The following LRRTM4 variants were observed in gnomAD, a reference collection of about 807,000 sequenced individuals.
The protein encoded by LRRTM4 is leucine rich repeat transmembrane neuronal 4.
Under a neutral mutation model 47.6 loss-of-function variants are expected in LRRTM4, and 25 were observed. The ratio of observed to expected loss-of-function variants is 0.53; its 90% confidence interval spans 0.38 to 0.73. The LOEUF is 0.73. Among genes scored for constraint, LRRTM4 ranks in the 30% least tolerant of loss-of-function variants. LRRTM4 has a pLI of 0.00. For missense variants in LRRTM4, 638 were observed against 713.4 expected (o/e 0.89, Z 1.20); for synonymous variants, 311 against 269.5 (o/e 1.15, Z -1.51).
chr2:77,037,288 C>G (rs1382748382), intron 3 of LRRTM4, among the ~76,000 whole-genome samples: 1 of 151,718 alleles, frequency 6.6e-6, no homozygotes, highest in Non-Finnish European at 1.5e-5. Flanking sequence ...ATAACTTTTA[C>G]AAACCATGTT....
chr2:76,870,928 A>G (rs1206761858), intron 3 of LRRTM4, among the ~76,000 whole-genome samples: 1 of 152,162 alleles, frequency 6.6e-6, no homozygotes, highest in Non-Finnish European at 1.5e-5. Context: ...CCACACTTTA[A>G]TCACCCTATC....
intron 3 of LRRTM4, among the ~76,000 whole-genome samples, chr2:77,032,656 T>A (rs1239140547): frequency 2.0e-5 from 3 of 152,154 alleles, no homozygotes; most frequent in African/African-American, 7.2e-5. Context: ...GAAGGATCAT[T>A]AATATATGTT....
intron 3 of LRRTM4, among the ~76,000 whole-genome samples, chr2:77,032,054 C>G (rs2104142634): frequency 6.6e-6 from 1 of 152,224 alleles, no homozygotes; most frequent in African/African-American, 2.4e-5. Context: ...AGCAACTGTC[C>G]TGGTGCAAAC....
In LRRTM4 at chr2:77,290,966, G is replaced by A. The variant is rs921433000; in HGVS notation, c.1551+227352C>T. ...TCTTCCAATCTCAATATACATAAGA[G>A]TCCCAGAGGAGGACATTACTGCTGG... On this transcript the variant is annotated intron_variant, in intron 3 of 3. Coordinates refer to ENST00000409884, the MANE Select transcript of LRRTM4 (RefSeq NM_001134745.3). Among the ~76,000 whole-genome samples, 3 of 152,130 alleles carry A rather than the reference G, an allele frequency of 2.0e-5. No homozygotes were observed. The South Asian group carries it at 6.2e-4, about 32-fold the overall frequency.
At chr2:77,045,375 C>T (rs1295706830) in intron 3 of LRRTM4, among the ~76,000 whole-genome samples, 7 of 151,862 alleles carry the variant, frequency 4.6e-5, no homozygotes, top group Non-Finnish European at 1.0e-4. Context: ...TACTATGAAA[C>T]TGATTCCAGG....
intron 3 of LRRTM4, among the ~76,000 whole-genome samples, chr2:77,338,001 C>T (rs1404796405): frequency 6.6e-6 from 1 of 151,958 alleles, no homozygotes; most frequent in African/African-American, 2.4e-5. Flanking sequence ...AAAGGAATCC[C>T]CATAGAATAA....
intron 3 of LRRTM4, among the ~76,000 whole-genome samples, chr2:76,819,675 T>G (rs1670999841): frequency 6.6e-6 from 1 of 151,946 alleles, no homozygotes; most frequent in Non-Finnish European, 1.5e-5. Flanking sequence ...TTCTTAAAAC[T>G]GATTCATCTT....
chr2:77,495,390 G>A (rs1159503735), intron 3 of LRRTM4, among the ~76,000 whole-genome samples: 2 of 151,698 alleles, frequency 1.3e-5, no homozygotes, highest in Non-Finnish European at 2.9e-5. Flanking sequence ...AAGAGCAGAA[G>A]TTTTAACTTT....
chr2:77,451,106 G>T lies in LRRTM4; in HGVS notation c.1551+67212C>A, dbSNP rs1027802563. 3.3e-5 allele frequency among the ~76,000 whole-genome samples: 5 copies of T among 151,942 alleles called. No homozygotes were observed. In the East Asian group the frequency reaches 9.6e-4, roughly 29 times the overall value. Reference sequence around the variant, plus strand: ...TTTTAAGTCTTATTATTCAATTCCAGTCAGGCCTAATTCATTGTGTAGAGT... The same window carrying T: ...TTTTAAGTCTTATTATTCAATTCCATTCAGGCCTAATTCATTGTGTAGAGT... On this transcript the variant is annotated intron_variant, in intron 3 of 3. Transcript: ENST00000409884.
At position 76,952,292 on chromosome 2, in the gene LRRTM4, T is replaced by C. The variant is rs1231554993; in HGVS notation, c.1552-203376A>G. 2.6e-5 allele frequency among the ~76,000 whole-genome samples: 4 copies of C among 152,118 alleles called. No individual in the cohort carries two copies. In the East Asian group the frequency reaches 5.8e-4, roughly 22 times the overall value. On this transcript the variant is annotated intron_variant, in intron 3 of 3. Coordinates refer to ENST00000409884, the MANE Select transcript of LRRTM4 (RefSeq NM_001134745.3). ...AGATTTGGAGAAAATATTTGCAGAC[T>C]ATGCCTCCAACAAAGCTATAATATC... is the stretch of plus-strand genomic sequence containing the variant.
At chr2:77,190,579 C>T (rs1282307102) in intron 3 of LRRTM4, among the ~76,000 whole-genome samples, 4 of 152,018 alleles carry the variant, frequency 2.6e-5, no homozygotes, top group Non-Finnish European at 5.9e-5. Flanking sequence ...GGATTACAGA[C>T]GTGCACCACC....
chr2:76,902,431 T>C (rs915449584), intron 3 of LRRTM4, among the ~76,000 whole-genome samples: 1 of 152,204 alleles, frequency 6.6e-6, no homozygotes, highest in Non-Finnish European at 1.5e-5. Flanking sequence ...ACTTATACTT[T>C]AGCAAAAGTT....
intron 3 of LRRTM4, among the ~76,000 whole-genome samples, chr2:77,002,311 A>G (rs1677461418): frequency 6.6e-6 from 1 of 152,002 alleles, no homozygotes; most frequent in Non-Finnish European, 1.5e-5. Flanking sequence ...CCAGATTTCT[A>G]AAAGAGAAGC....
intron 3 of LRRTM4, among the ~76,000 whole-genome samples, chr2:76,947,939 A>G (rs531837752): frequency 6.6e-6 from 1 of 151,912 alleles, no homozygotes; most frequent in East Asian, 1.9e-4. Flanking sequence ...AAATATCCTG[A>G]TTTTCCTCCC....
chr2:77,095,016 A>C (rs1670768168), intron 3 of LRRTM4, among the ~76,000 whole-genome samples: 1 of 152,234 alleles, frequency 6.6e-6, no homozygotes, highest in African/African-American at 2.4e-5. Flanking sequence ...AATATTTGCA[A>C]ATCATAAAAC....
At chr2:76,842,950 T>G (rs1671731423) in intron 3 of LRRTM4, among the ~76,000 whole-genome samples, 1 of 152,216 alleles carries the variant, frequency 6.6e-6, no homozygotes, top group Non-Finnish European at 1.5e-5. Flanking sequence ...TGGAGTCAGC[T>G]GTCCCTTCTA....
At chr2:77,387,700 C>T (rs958543000) in intron 3 of LRRTM4, among the ~76,000 whole-genome samples, 1 of 152,042 alleles carries the variant, frequency 6.6e-6, no homozygotes, top group Non-Finnish European at 1.5e-5. Context: ...AGGCTAACAC[C>T]GCGGGCCCTT....
intron 3 of LRRTM4, among the ~76,000 whole-genome samples, chr2:77,124,459 C>T (rs1018976211): frequency 6.6e-6 from 1 of 152,054 alleles, no homozygotes; most frequent in Non-Finnish European, 1.5e-5. Flanking sequence ...TAAATTTTGG[C>T]ACAGAGCAGC....
intron 3 of LRRTM4, among the ~76,000 whole-genome samples, chr2:76,837,963 C>T (rs1475225681): frequency 6.6e-6 from 1 of 151,774 alleles, no homozygotes. Flanking sequence ...GGAGGGATAG[C>T]ATTAGGAGAT....
Sources: gnomAD v4.1 joint callset for allele counts (sites outside exome capture counted in the v4.1 genomes callset) on GRCh38, gnomAD v4.1.1 for gene constraint, MANE v1.5 for transcripts, NCBI Gene and HGNC (gene_info 2026-07-23, HGNC 2026-07-21) for gene names.